Variants in PDZD8 observed in about 807,000 individuals in gnomAD.
PDZD8 encodes PDZ domain-containing protein 8.
Under a neutral mutation model 85.8 loss-of-function variants are expected in PDZD8, and 14 were observed. That is an observed-to-expected ratio of 0.16 (90% CI 0.11 to 0.26). The LOEUF is 0.26. Among genes scored for constraint, PDZD8 ranks in the 10% least tolerant of loss-of-function variants. The probability of loss-of-function intolerance (pLI) is 1.00; values close to 1 mark genes in which losing one functional copy is unlikely to be tolerated. For synonymous variants in PDZD8, 592 were observed against 568.6 expected (o/e 1.04, Z -0.59); for missense variants, 1,197 against 1,424.3 (o/e 0.84, Z 2.57).
At chr10:117,352,693 A>C (rs544776653) in intron 1 of PDZD8, among the ~76,000 whole-genome samples, 2 of 152,322 alleles carry the variant, frequency 1.3e-5, no homozygotes, top group Admixed American at 1.3e-4. Context: ...GCATCTCTTA[A>C]ACTACAAGGT....
chr10:117,284,102 A>G lies in PDZD8; in HGVS notation c.2631T>C (p.His877=). 2.5e-6 allele frequency: 4 copies of G among 1,614,154 alleles called. No individual in the cohort carries two copies. The highest frequency in any genetic ancestry group is 1.7e-5 in the Admixed American group (1 of 60,026). Reference sequence around the variant, plus strand: ...CTAGACACTTTTCTTGACATTTTTTATGGCAAACATAAGCACAAAACATAC... The same window carrying G: ...CTAGACACTTTTCTTGACATTTTTTGTGGCAAACATAAGCACAAAACATAC... ...SQCMFCAYVC[H]KKCQEKCLAE... Residue 877 remains histidine, a synonymous_variant, in exon 5 of 5, where the codon CAT becomes CAC. Coordinates refer to ENST00000334464, the MANE Select transcript of PDZD8 (RefSeq NM_173791.5).
chr10:117,356,678 C>T (rs1844900499), intron 1 of PDZD8, among the ~76,000 whole-genome samples: 1 of 152,130 alleles, frequency 6.6e-6, no homozygotes, highest in Non-Finnish European at 1.5e-5. Context: ...ATGTACTTTA[C>T]TATTAATCTA....
At chr10:117,357,766 C>CAAAAAAAAAAA (rs767138640) in intron 1 of PDZD8, among the ~76,000 whole-genome samples, 3 of 47,466 alleles carry the variant, frequency 6.3e-5, no homozygotes, top group Non-Finnish European at 1.1e-4. Context: ...ACTTCATCTC[C>CAAAAAAAAAAA]AAAAAAAAAA....
Position 117,374,976 on chromosome 10 carries a change from G to T in PDZD8, c.252C>A (p.Pro84=). The T allele has an allele frequency of 1.2e-6, 2 of 1,600,928 alleles. No individual in the cohort carries two copies. The highest frequency in any genetic ancestry group is 1.7e-6 in the Non-Finnish European group (2 of 1,174,326). The change falls in exon 1 of 5, where the codon CCC becomes CCA. Residue 84 remains proline (P), a synonymous_variant. Coordinates refer to ENST00000334464, the MANE Select transcript of PDZD8 (RefSeq NM_173791.5). This position sits in a 1 kb window ranked among gnomAD's most constrained non-coding sequence, Gnocchi z 7.8. ...PEGGATPTAA[P]ETPAPPTRET... ...CCCGCGTCGGCGGGGCGGGGGTCTC[G>T]GGGGCCGCGGTGGGGGTCGCGCCGC...
chr10:117,294,327 C>CAAAAAAAAAAAAA (rs71013656), intron 3 of PDZD8, among the ~76,000 whole-genome samples: 3 of 142,542 alleles, frequency 2.1e-5, no homozygotes, highest in Admixed American at 7.0e-5. Context: ...ACCAAAAAGA[C>CAAAAAAAAAAAAA]AAAAAAAAAA....
At position 117,285,355 on chromosome 10, in the gene PDZD8, C is replaced by T. The variant is rs1453674294; in HGVS notation, c.1378G>A (p.Asp460Asn). 1.2e-6 allele frequency: 2 copies of T among 1,614,178 alleles called. No homozygotes were observed. Among genetic ancestry groups the T allele is most frequent in the African/African-American group, 2.7e-5 (2 of 75,048 alleles). The change falls in exon 5 of 5, where the codon GAT (aspartate) becomes AAT (asparagine). Residue 460 changes from aspartate to asparagine, a missense_variant. Physicochemically the swap from Asp to Asn is conservative, Grantham distance 23. Around this residue, in one of 4 missense-constraint regions of PDZD8, gnomAD observed 263 missense variants for 261.9 expected, o/e 1.00. Coordinates refer to ENST00000334464, the MANE Select transcript of PDZD8 (RefSeq NM_173791.5). ...GQSNQGAVLQDNFGQLEENFL... is the reference protein window; with the variant it reads ...GQSNQGAVLQNNFGQLEENFL... ...TTTTCTTCCAACTGGCCAAAGTTATCTTGCAGCACTGCACCTTGATTACTC... is the reference window on the plus strand; with the variant it reads ...TTTTCTTCCAACTGGCCAAAGTTATTTTGCAGCACTGCACCTTGATTACTC...
At chr10:117,369,170 A>T (rs1275297539) in intron 1 of PDZD8, among the ~76,000 whole-genome samples, 1 of 147,898 alleles carries the variant, frequency 6.8e-6, no homozygotes, top group Admixed American at 6.7e-5. Context: ...ATTTATTTTT[A>T]CTTTTTGAGA....
chr10:117,321,121 A>T (rs2133813650), intron 2 of PDZD8, among the ~76,000 whole-genome samples: 1 of 152,304 alleles, frequency 6.6e-6, no homozygotes, highest in African/African-American at 2.4e-5. Context: ...GTTAACACAT[A>T]GCTCAGTAAT....
intron 3 of PDZD8, among the ~76,000 whole-genome samples, chr10:117,313,530 C>A (rs1049547803): frequency 6.6e-6 from 1 of 152,104 alleles, no homozygotes; most frequent in African/African-American, 2.4e-5. Context: ...GGACACTATA[C>A]CTGATCATCC....
intron 2 of PDZD8, among the ~76,000 whole-genome samples, chr10:117,327,439 T>G (rs2133823501): frequency 6.6e-6 from 1 of 152,370 alleles, no homozygotes; most frequent in East Asian, 1.9e-4. Context: ...TAGTTTTTCC[T>G]GAAAACAGGT....
chr10:117,311,550 A>T (rs1009076755), intron 3 of PDZD8, among the ~76,000 whole-genome samples: 21 of 152,320 alleles, frequency 1.4e-4, no homozygotes, highest in Admixed American at 3.3e-4. Context: ...GACAATACTG[A>T]TCACATTATC....
chr10:117,344,076 C>T lies in PDZD8; in HGVS notation c.873-2974G>A, dbSNP rs572611818. Among the ~76,000 whole-genome samples, 65 of 152,248 alleles carry T rather than the reference C, an allele frequency of 4.3e-4. 1 individual carries two copies. The highest frequency in any genetic ancestry group is 1.0e-3 in the Admixed American group (16 of 15,292). On this transcript the variant is annotated intron_variant, in intron 1 of 4. Coordinates refer to ENST00000334464, the MANE Select transcript of PDZD8 (RefSeq NM_173791.5). ...GTCAGTTTTCTCACTCAGGCTTCCC[C>T]GCAAAATAGTCTTAACAAACTACCT... is the stretch of plus-strand genomic sequence containing the variant.
At chr10:117,340,052 C>T (rs367758943) in intron 2 of PDZD8, among the ~76,000 whole-genome samples, 8 of 152,102 alleles carry the variant, frequency 5.3e-5, no homozygotes, top group African/African-American at 1.9e-4. Context: ...TAGTAAGTAG[C>T]TCAAGCAAGA....
chr10:117,315,262 G>C (rs1844103416), intron 3 of PDZD8, among the ~76,000 whole-genome samples: 2 of 152,142 alleles, frequency 1.3e-5, no homozygotes, highest in African/African-American at 4.8e-5. Flanking sequence ...AAAATAGGAA[G>C]AGAGAGGGAA....
rs1844583587 is a variant in PDZD8, at chr10:117,282,110, T to C, written c.*1158A>G. On this transcript the variant is annotated 3_prime_UTR_variant, in exon 5 of 5. Transcript: ENST00000334464. ...ACTATTTTTGTCATTCTTTTCTTAA[T>C]GAATACTCACTACAGAAGTATTCAG... The C allele has an allele frequency of 6.6e-6, 1 of 152,216 alleles. No individual in the cohort carries two copies. Among genetic ancestry groups the C allele is most frequent in the South Asian group, 2.1e-4 (1 of 4,836 alleles). 9.4% of individuals were successfully genotyped at this position (152,216 alleles called of 1,614,324 possible). A position where few individuals can be genotyped will look rare whatever the true frequency, so the allele number is the denominator to read the frequency against.
In PDZD8 at chr10:117,297,891, A is replaced by G. The variant is rs936242841; in HGVS notation, c.1099-7543T>C. 2.0e-5 allele frequency among the ~76,000 whole-genome samples: 3 copies of G among 152,150 alleles called. No homozygotes were observed. In the East Asian group the frequency reaches 5.8e-4, roughly 29 times the overall value. On this transcript the variant is annotated intron_variant, in intron 3 of 4. Transcript: ENST00000334464. ...AAAATAAAGCTACTAAAAGGAAAGC[A>G]AAAACAAAACCTTATATATGCCAGT...
chr10:117,354,639 C>A (rs1589588669), intron 1 of PDZD8, among the ~76,000 whole-genome samples: 1 of 152,286 alleles, frequency 6.6e-6, no homozygotes, highest in African/African-American at 2.4e-5. Context: ...ATATTTCAGG[C>A]TCAGGAATAC....
intron 3 of PDZD8, among the ~76,000 whole-genome samples, chr10:117,313,126 C>T (rs1262863139): frequency 6.6e-6 from 1 of 152,116 alleles, no homozygotes; most frequent in African/African-American, 2.4e-5. Context: ...GAGCTGAGTG[C>T]CATGTGTAAA....
At chr10:117,373,376 CAA>C (rs1466370198) in intron 1 of PDZD8, among the ~76,000 whole-genome samples, 2 of 152,082 alleles carry the variant, frequency 1.3e-5, no homozygotes, top group Non-Finnish European at 2.9e-5. Flanking sequence ...CTGTGTTCTA[CAA>C]TCTACCCAAA....
Sources: allele counts gnomAD v4.1 joint callset (sites outside exome capture counted in the v4.1 genomes callset), GRCh38; gene constraint gnomAD v4.1.1; regional missense constraint gnomAD v4.1.1; non-coding constraint Gnocchi (gnomAD v3.1); transcripts MANE v1.5; gene names NCBI Gene and HGNC (gene_info 2026-07-23, HGNC 2026-07-21).